IAH1: variants seen among roughly 807,000 people sequenced by gnomAD.
The protein encoded by IAH1 is isoamyl acetate-hydrolyzing esterase 1 homolog.
In IAH1, 24 loss-of-function variants were observed where a neutral mutation model predicts 26.7. The observed-to-expected ratio is 0.90, with a 90% CI of 0.65 to 1.26. IAH1 has a LOEUF of 1.26. Ranked by LOEUF, IAH1 falls within the 50% of genes most tolerant of loss-of-function variation. The pLI is 0.00. For synonymous variants in IAH1, 140 were observed against 118.5 expected, an observed-to-expected ratio of 1.18 and a Z score of -1.18; for missense variants, 300 against 299.9, an observed-to-expected ratio of 1.00 and a Z score of 0.00.
At chr2:9,500,558 A>C (rs554728753), downstream of IAH1, among the ~76,000 whole-genome samples, 1 of 152,376 alleles carries the variant, frequency 6.6e-6, no homozygotes, top group African/African-American at 2.4e-5. Context: ...ATGAGTGTGA[A>C]TTATGTATCA....
At chr2:9,479,934 G>C (rs186485288) in intron 3 of IAH1, among the ~76,000 whole-genome samples, 3 of 147,430 alleles carry the variant, frequency 2.0e-5, no homozygotes, top group Non-Finnish European at 4.4e-5. Flanking sequence ...TCAGCCTCCC[G>C]AGTAGCTGGG....
At chr2:9,500,535 A>G (rs1370084388), downstream of IAH1, among the ~76,000 whole-genome samples, 9 of 152,202 alleles carry the variant, frequency 5.9e-5, no homozygotes, top group Non-Finnish European at 4.4e-5. Flanking sequence ...TACACTTTAA[A>G]TGGGCAAACT....
chr2:9,476,070 A>G (rs995264622), intron 2 of IAH1, 31 bp downstream of exon 2: 10 of 1,572,312 alleles, frequency 6.4e-6, no homozygotes, highest in Non-Finnish European at 7.0e-6. Flanking sequence ...TTGAGTTCTT[A>G]TGGATGGAAA....
chr2:9,502,203 C>T, the IAH1 span: 2 of 1,614,132 alleles, frequency 1.2e-6, no homozygotes, highest in Non-Finnish European at 1.7e-6. Context: ...TTGCAAGTAG[C>T]ATTAATCGCC....
At chr2:9,505,199 C>T in the IAH1 span, 62 of 1,614,046 alleles carry the variant, frequency 3.8e-5, 1 homozygote, top group Non-Finnish European at 5.9e-6. Context: ...CGTGCAGTCG[C>T]TGTTGCAGCA....
intron 3 of IAH1, among the ~76,000 whole-genome samples, chr2:9,479,519 A>G (rs1661030252): frequency 6.6e-6 from 1 of 152,232 alleles, no homozygotes; most frequent in African/African-American, 2.4e-5. Context: ...CAGCAAATAC[A>G]TATTTGAAAA....
chr2:9,474,145 G>A (rs1682326783), upstream of IAH1, among the ~76,000 whole-genome samples: 1 of 152,082 alleles, frequency 6.6e-6, no homozygotes, highest in Admixed American at 6.5e-5. The surrounding 1 kb of genome is among the most constrained non-coding windows in gnomAD (Gnocchi z 4.3). Context: ...GAGTGACGCT[G>A]GGCGCAGGAG....
intron 6 of IAH1, among the ~76,000 whole-genome samples, chr2:9,495,139 G>A (rs983829285): frequency 1.3e-5 from 2 of 152,184 alleles, no homozygotes; most frequent in African/African-American, 4.8e-5. Flanking sequence ...TCAGTCTAAA[G>A]TGTGCCCCTC....
Position 9,474,723 on chromosome 2 carries a change from G to A in IAH1, c.81+76G>A. 2 of 1,177,754 alleles carry A rather than the reference G, an allele frequency of 1.7e-6. No individual in the cohort carries two copies. Among genetic ancestry groups the A allele is most frequent in the Non-Finnish European group, 2.3e-6 (2 of 859,740 alleles). The allele number at this position is 1,177,754 out of a possible 1,614,324, so 73.0% of individuals were successfully genotyped here. On this transcript the variant is annotated intron_variant, in intron 1 of 5. Transcript: ENST00000497473. The surrounding 1 kb of genome is among the most constrained non-coding windows in gnomAD (Gnocchi z 4.3). ...GCTGCCGAGCAGGCCGAGGCTCCTC[G>A]CCGTCCTCTTCGGCGCCCGAGACGG...
chr2:9,506,386 T>TA, the IAH1 span, among the ~76,000 whole-genome samples: 252 of 144,398 alleles, frequency 1.7e-3, 4 homozygotes, highest in African/African-American at 6.3e-3. Context: ...TTTTTTTTTT[T>TA]AGATGGAGTC....
At chr2:9,481,890 T>A (rs957194113) in intron 4 of IAH1, among the ~76,000 whole-genome samples, 1 of 152,094 alleles carries the variant, frequency 6.6e-6, no homozygotes, top group African/African-American at 2.4e-5. Flanking sequence ...TATACTTGGG[T>A]TTCACATCCC....
intron 4 of IAH1, among the ~76,000 whole-genome samples, chr2:9,483,134 C>T (rs1661279267): frequency 6.6e-6 from 1 of 152,222 alleles, no homozygotes; most frequent in South Asian, 2.1e-4. Context: ...TGTTTAATTT[C>T]ATTTCCCCTT....
intron 5 of IAH1, chr2:9,486,957 T>TA (rs1661532010): frequency 1.3e-5 from 2 of 152,102 alleles, no homozygotes; most frequent in South Asian, 2.1e-4. Context: ...CAGGGCCTGG[T>TA]ATGGCTGCTC....
chr2:9,502,306 C>A, the IAH1 span: 4 of 1,562,410 alleles, frequency 2.6e-6, no homozygotes, highest in Non-Finnish European at 3.5e-6. Flanking sequence ...AGGAACAGAG[C>A]AATTCAAATT....
At chr2:9,499,487 C>T (rs550113146), downstream of IAH1, among the ~76,000 whole-genome samples, 15 of 151,860 alleles carry the variant, frequency 9.9e-5, no homozygotes, top group Admixed American at 2.6e-4. Flanking sequence ...CTGCAAGCTC[C>T]GCCTCCCGGG....
intron 6 of IAH1, among the ~76,000 whole-genome samples, chr2:9,495,322 G>A (rs969846713): frequency 6.6e-6 from 1 of 152,258 alleles, no homozygotes; most frequent in African/African-American, 2.4e-5. Flanking sequence ...TGTGAGCCAT[G>A]TGGGCATACA....
Position 9,474,800 on chromosome 2 carries a change from C to A in IAH1, c.81+153C>A, listed in dbSNP as rs965219148. On this transcript the variant is annotated intron_variant, in intron 1 of 5. Transcript: ENST00000497473. This position sits in a 1 kb window ranked among gnomAD's most constrained non-coding sequence, Gnocchi z 4.3. ...TGGAGACACCGGAGGAGTGGCGGGT[C>A]CCCCAGTGGCTGCGCCTTCCGGGCC... is the stretch of plus-strand genomic sequence containing the variant. 2 of 567,458 alleles carry A rather than the reference C, an allele frequency of 3.5e-6. No individual in the cohort carries two copies. Among genetic ancestry groups the A allele is most frequent in the East Asian group, 3.8e-5 (1 of 26,112 alleles). The allele number at this position is 567,458 out of a possible 1,614,324, so 35.2% of individuals were successfully genotyped here. A position where few individuals can be genotyped will look rare whatever the true frequency, so the allele number is the denominator to read the frequency against.
intron 3 of IAH1, among the ~76,000 whole-genome samples, chr2:9,479,214 A>G (rs994419516): frequency 1.3e-5 from 2 of 152,248 alleles, no homozygotes; most frequent in Non-Finnish European, 2.9e-5. Context: ...ACCAAAAACC[A>G]TAAGAAAACT....
At chr2:9,499,535 G>A (rs964289897), downstream of IAH1, among the ~76,000 whole-genome samples, 1 of 152,024 alleles carries the variant, frequency 6.6e-6, no homozygotes, top group African/African-American at 2.4e-5. Flanking sequence ...CCAAGTAGCT[G>A]GGACTACAGG....
Sources: allele counts gnomAD v4.1 joint callset (sites outside exome capture counted in the v4.1 genomes callset), GRCh38; gene constraint gnomAD v4.1.1; non-coding constraint Gnocchi (gnomAD v3.1); transcripts MANE v1.5; gene names NCBI Gene and HGNC (gene_info 2026-07-23, HGNC 2026-07-21).